DSP: variants seen among roughly 807,000 people sequenced by gnomAD.
DSP encodes the protein desmoplakin.
DSP carries 114 observed loss-of-function variants against 290.6 expected under a neutral mutation model. That is an observed-to-expected ratio of 0.39 (90% confidence interval 0.34 to 0.46). DSP has a LOEUF of 0.46. DSP is among the 20% of genes least tolerant of loss of function. The probability of loss-of-function intolerance (pLI) is 0.99; values close to 1 mark genes in which losing one functional copy is unlikely to be tolerated. For missense variants in DSP, 3,230 were observed against 3,495.8 expected, an observed-to-expected ratio of 0.92 and a Z score of 1.92; for synonymous variants, 1,311 against 1,316.4, an observed-to-expected ratio of 1.00 and a Z score of 0.09.
intron 4 of DSP, among the ~76,000 whole-genome samples, chr6:7,560,189 G>A (rs1200097773): frequency 6.6e-6 from 1 of 152,254 alleles, no homozygotes; most frequent in Non-Finnish European, 1.5e-5. Context: ...GTGATAAGTT[G>A]TGGAGAGATT....
intron 4 of DSP, among the ~76,000 whole-genome samples, chr6:7,560,578 T>C (rs1296880087): frequency 6.6e-6 from 1 of 152,212 alleles, no homozygotes; most frequent in Non-Finnish European, 1.5e-5. Flanking sequence ...AAATGAATGT[T>C]ATCGAAGAAA....
rs1287292518 is a variant in DSP, at chr6:7,576,974, A to G, written c.2809A>G (p.Ile937Val). 3 of 1,613,496 alleles carry G rather than the reference A, an allele frequency of 1.9e-6. No individual in the cohort carries two copies. The highest frequency in any genetic ancestry group is 3.3e-5 in the Admixed American group (2 of 59,980). ...LNEQKNLHSE[I>V]SGKRDKSEEV... is the part of the protein sequence containing the mutation. ...TTTTGTATAGAACTTGCACAGTGAA[A>G]TATCTGGCAAACGAGACAAATCAGA... is the stretch of plus-strand genomic sequence containing the variant. The change falls in exon 20 of 24, where the codon ATA becomes GTA. Residue 937 changes from isoleucine to valine, a missense_variant. Coordinates refer to ENST00000379802, the MANE Select transcript of DSP (RefSeq NM_004415.4).
In DSP at chr6:7,568,453, T is replaced by A. The variant is rs760246407; in HGVS notation, c.1283T>A (p.Ile428Asn). 1.9e-6 allele frequency: 3 copies of A among 1,614,046 alleles called. No individual in the cohort carries two copies. The highest frequency in any genetic ancestry group is 2.5e-6 in the Non-Finnish European group (3 of 1,180,010). Reference sequence around the variant, plus strand: ...CCATTGCAGAAAGAACGAGAGAAAATCCTTGAATACAAGCGTCAGGTGCAG... The same window carrying A: ...CCATTGCAGAAAGAACGAGAGAAAAACCTTGAATACAAGCGTCAGGTGCAG... ...IKELEKEREK[I>N]LEYKRQVQNL... Residue 428 changes from isoleucine to asparagine, a missense_variant, in exon 11 of 24, where the codon ATC becomes AAC. Transcript: ENST00000379802.
intron 1 of DSP, among the ~76,000 whole-genome samples, chr6:7,542,609 C>T (rs951887509): frequency 6.6e-6 from 1 of 152,208 alleles, no homozygotes; most frequent in African/African-American, 2.4e-5. Flanking sequence ...TCCTGGACTC[C>T]TCGGCCACCC....
chr6:7,582,035 A>G lies in DSP; in HGVS notation c.5379+466A>G, dbSNP rs905428641. On this transcript the variant is annotated intron_variant, in intron 23 of 23. Transcript: ENST00000379802. This position sits in a 1 kb window ranked among gnomAD's most constrained non-coding sequence, Gnocchi z 4.2. ...GATTATTTAGTGTTCGCTTTTGATC[A>G]TGGCCCTAGTGTGTTTCCTTTTGTT... is the stretch of plus-strand genomic sequence containing the variant. Among the ~76,000 whole-genome samples the G allele has an allele frequency of 6.6e-6, 1 of 151,788 alleles. No homozygotes were observed. Among genetic ancestry groups the G allele is most frequent in the South Asian group, 2.1e-4 (1 of 4,812 alleles).
Position 7,541,823 on chromosome 6 carries a change from C to T in DSP, c.-93C>T. On this transcript the variant is annotated 5_prime_UTR_variant, in exon 1 of 24. Transcript: ENST00000379802. The stretch of plus-strand genomic sequence containing the variant: ...CCGCACTCCCGCCCGGTTCCCCGGC[C>T]GTCCGCCTATCCTTGGCCCCCTCCG... 1 of 1,455,764 alleles carries T rather than the reference C, an allele frequency of 6.9e-7. No individual in the cohort carries two copies. Among genetic ancestry groups the T allele is most frequent in the Non-Finnish European group, 9.2e-7 (1 of 1,092,306 alleles). The allele number at this position is 1,455,764 out of a possible 1,614,324, so 90.2% of individuals were successfully genotyped here. A position where few individuals can be genotyped will look rare whatever the true frequency, so the allele number is the denominator to read the frequency against.
In DSP at chr6:7,579,643, G is replaced by A. The variant is rs1554108084; in HGVS notation, c.3453G>A (p.Glu1151=). ...AGAAAGCAAGGCAATGTGAAAAGGAGAACCTTGGTTGGCAGAAATTAGAGT... is the reference window on the plus strand; with the variant it reads ...AGAAAGCAAGGCAATGTGAAAAGGAAAACCTTGGTTGGCAGAAATTAGAGT... ...QLQKARQCEK[E]NLGWQKLESE... is the part of the protein sequence containing the mutation. Residue 1151 remains glutamate (E), a synonymous_variant, in exon 23 of 24, where the codon GAG becomes GAA. Coordinates refer to ENST00000379802, the MANE Select transcript of DSP (RefSeq NM_004415.4). The surrounding 1 kb of genome is among the most constrained non-coding windows in gnomAD (Gnocchi z 4.1). 2.5e-6 allele frequency: 4 copies of A among 1,613,918 alleles called. No homozygotes were observed. Among genetic ancestry groups the A allele is most frequent in the Non-Finnish European group, 3.4e-6 (4 of 1,180,026 alleles).
At position 7,559,385 on chromosome 6, in the gene DSP, G is replaced by T. The variant is rs1345570966; in HGVS notation, c.582G>T (p.Trp194Cys). The change falls in exon 4 of 24, where the codon TGG (tryptophan) becomes TGT (cysteine). Residue 194 changes from tryptophan (W) to cysteine (C), a missense_variant. This residue lies in a region of DSP where 646 missense variants were observed against 684.3 expected (regional missense o/e 0.94). Transcript: ENST00000379802. ...TKHVTSECLGWMRQQRAEMDM... is the reference protein window; with the variant it reads ...TKHVTSECLGCMRQQRAEMDM... ...ATGTCACCAGTGAATGTTTGGGGTG[G>T]ATGAGGCAGCAAAGGGTAAGCAGCT... 4.2e-5 allele frequency: 67 copies of T among 1,612,708 alleles called. No individual in the cohort carries two copies. The highest frequency in any genetic ancestry group is 5.6e-5 in the Non-Finnish European group (66 of 1,180,010).
intron 6 of DSP, among the ~76,000 whole-genome samples, chr6:7,564,830 A>G (rs1306479211): frequency 6.6e-6 from 1 of 152,154 alleles, no homozygotes; most frequent in African/African-American, 2.4e-5. Flanking sequence ...ATACCAAAAA[A>G]AGACCTTATT....
At chr6:7,573,160 ATG>A (rs1016514628) in intron 15 of DSP, among the ~76,000 whole-genome samples, 4 of 151,912 alleles carry the variant, frequency 2.6e-5, no homozygotes, top group African/African-American at 9.7e-5. Context: ...GTATGTACAT[ATG>A]TGTGTGTGTA....
intron 1 of DSP, among the ~76,000 whole-genome samples, chr6:7,548,042 G>A (rs1442185415): frequency 6.6e-6 from 1 of 152,108 alleles, no homozygotes; most frequent in Non-Finnish European, 1.5e-5. Context: ...GCCGAGGTGG[G>A]CGGATCACAA....
At chr6:7,575,753 G>A (rs867485853) in intron 18 of DSP, among the ~76,000 whole-genome samples, 2 of 152,178 alleles carry the variant, frequency 1.3e-5, no homozygotes, top group South Asian at 4.1e-4. Context: ...CAGCTCTTTT[G>A]TGTCCTATAA....
chr6:7,585,755 G>C lies in DSP; in HGVS notation c.8493G>C (p.Ser2831=), dbSNP rs397516969. 3.9e-5 allele frequency: 62 copies of C among 1,609,456 alleles called. 1 individual carries two copies. The Admixed American group carries it at 5.7e-4, about 15-fold the overall frequency. ...CGGGGTCCCGCTCCGGCTCCCGCTC[G>C]GGATCTCGCTCCGGATCTCGCTCCG... ...SAPGSRSGSR[S]GSRSGSRSGS... Residue 2831 remains serine, a synonymous_variant, in exon 24 of 24, where the codon TCG becomes TCC. Transcript: ENST00000379802.
chr6:7,566,365 C>T lies in DSP; in HGVS notation c.940-12C>T, dbSNP rs2113670873. ...ACTTGCTGCAAAGGATTTCTTATTT[C>T]TTCATTCACAGATACGCATGAGTCA... On this transcript the variant is annotated splice_polypyrimidine_tract_variant and intron_variant, in intron 7 of 23. Coordinates refer to ENST00000379802, the MANE Select transcript of DSP (RefSeq NM_004415.4). 6.2e-7 allele frequency: 1 copy of T among 1,607,086 alleles called. No homozygotes were observed. Among genetic ancestry groups the T allele is most frequent in the Non-Finnish European group, 8.5e-7 (1 of 1,174,764 alleles).
intron 8 of DSP, among the ~76,000 whole-genome samples, chr6:7,567,082 T>G (rs544573296): frequency 6.6e-6 from 1 of 152,198 alleles, no homozygotes; most frequent in Non-Finnish European, 1.5e-5. Context: ...ACAGTTCTGA[T>G]TGGTCAGTAT....
intron 20 of DSP, 96 bp downstream of exon 20, chr6:7,577,138 G>A: frequency 1.1e-6 from 1 of 927,756 alleles, no homozygotes; most frequent in Non-Finnish European, 1.6e-6. Flanking sequence ...ACTTCCTGAG[G>A]ATAGCAATTA....
chr6:7,555,145 G>A (rs1226784073), intron 1 of DSP, among the ~76,000 whole-genome samples: 1 of 152,166 alleles, frequency 6.6e-6, no homozygotes, highest in Non-Finnish European at 1.5e-5. Flanking sequence ...GTGTGTCATT[G>A]TCATTGCCAG....
At position 7,561,565 on chromosome 6, in the gene DSP, C is replaced by T. The variant is rs182364088; in HGVS notation, c.598-1087C>T. On this transcript the variant is annotated intron_variant, in intron 4 of 23. Transcript: ENST00000379802. ...TGTTTGCCGATGGACAGGTCAGATA[C>T]GATACACCTGGCTGGTAATGAGACG... 2.2e-3 allele frequency among the ~76,000 whole-genome samples: 342 copies of T among 152,204 alleles called. 6 individuals carry two copies. The highest frequency in any genetic ancestry group is 8.5e-4 in the Non-Finnish European group (58 of 68,014).
At chr6:7,567,751 TC>T (rs768048319) in intron 9 of DSP, 29 bp from the exon 10 acceptor site, 1 of 1,613,692 alleles carries the variant, frequency 6.2e-7, no homozygotes, top group Non-Finnish European at 8.5e-7. Context: ...GAGTTGCTGT[TC>T]ATTCACTGAT....
Sources: gnomAD v4.1 joint callset for allele counts (sites outside exome capture counted in the v4.1 genomes callset) on GRCh38, gnomAD v4.1.1 for gene constraint, gnomAD v4.1.1 regional missense constraint, Gnocchi (gnomAD v3.1) non-coding constraint, MANE v1.5 for transcripts, NCBI Gene and HGNC (gene_info 2026-07-23, HGNC 2026-07-21) for gene names.